Variants in ADCY2 observed in about 807,000 individuals in gnomAD.
ADCY2 encodes adenylate cyclase 2.
A neutral mutation model predicts 125.2 loss-of-function variants in ADCY2; 31 were observed. The ratio of observed to expected loss-of-function variants is 0.25; its 90% CI spans 0.19 to 0.33. The LOEUF is 0.33. Among genes scored for constraint, ADCY2 ranks in the 10% least tolerant of loss-of-function variants. ADCY2 has a pLI of 1.00. For missense variants in ADCY2, 904 were observed against 1,418.2 expected (o/e 0.64, Z 5.82); for synonymous variants, 512 against 548.4 (o/e 0.93, Z 0.93).
intron 2 of ADCY2, among the ~76,000 whole-genome samples, chr5:7,442,999 A>T (rs1223957945): frequency 2.6e-5 from 4 of 152,192 alleles, no homozygotes; most frequent in African/African-American, 9.7e-5. Flanking sequence ...TTGGCTAGTC[A>T]GAGCCCCATG....
intron 3 of ADCY2, among the ~76,000 whole-genome samples, chr5:7,556,787 G>T (rs920886275): frequency 6.6e-6 from 1 of 152,132 alleles, no homozygotes; most frequent in African/African-American, 2.4e-5. Flanking sequence ...AACTGCACGT[G>T]CAAGGGATCT....
chr5:7,459,737 T>A (rs906913054), intron 2 of ADCY2, among the ~76,000 whole-genome samples: 3 of 145,602 alleles, frequency 2.1e-5, no homozygotes, highest in African/African-American at 7.6e-5. Flanking sequence ...CCTTAATAAG[T>A]CAAATAAATG....
At chr5:7,567,711 G>C (rs1033080568) in intron 3 of ADCY2, among the ~76,000 whole-genome samples, 2 of 152,042 alleles carry the variant, frequency 1.3e-5, no homozygotes, top group Non-Finnish European at 2.9e-5. Flanking sequence ...TTTGGTCTTG[G>C]TTTTCTTGGG....
chr5:7,437,940 T>C (rs980891320), intron 2 of ADCY2, among the ~76,000 whole-genome samples: 19 of 152,336 alleles, frequency 1.2e-4, no homozygotes, highest in Non-Finnish European at 2.2e-4. Flanking sequence ...GTTGGCAAGA[T>C]TTTTGTGCTC....
At chr5:7,797,812 TG>T in intron 20 of ADCY2, 1 of 110,034 alleles carries the variant, frequency 9.1e-6, no homozygotes, top group Non-Finnish European at 2.0e-5. Context: ...GAGGGGAAGG[TG>T]GGGATCCCCC....
intron 2 of ADCY2, among the ~76,000 whole-genome samples, chr5:7,465,866 T>G (rs964296626): frequency 6.6e-6 from 1 of 152,196 alleles, no homozygotes; most frequent in Non-Finnish European, 1.5e-5. Context: ...GGTGTTACAT[T>G]TGCATGTTTT....
At chr5:7,589,506 G>GAAAAGAAAAGAAAAGA (rs68115969) in intron 3 of ADCY2, among the ~76,000 whole-genome samples, 19 of 93,898 alleles carry the variant, frequency 2.0e-4, no homozygotes, top group African/African-American at 6.4e-4. Context: ...AAGAAAGAAA[G>GAAAAGAAAAGAAAAGA]AAAGAAAAGA....
chr5:7,776,193 TAAA>T (rs11332766), intron 18 of ADCY2, among the ~76,000 whole-genome samples: 13 of 91,550 alleles, frequency 1.4e-4, no homozygotes, highest in African/African-American at 3.8e-4. Context: ...GTGAGATCCT[TAAA>T]AAAAAAAAAA....
At chr5:7,659,305 A>C in intron 4 of ADCY2, among the ~76,000 whole-genome samples, 1 of 152,264 alleles carries the variant, frequency 6.6e-6, no homozygotes, top group East Asian at 1.9e-4. Context: ...AATGCAGTGC[A>C]ATTTAAGATG....
At chr5:7,458,079 T>G (rs1741767550) in intron 2 of ADCY2, among the ~76,000 whole-genome samples, 1 of 152,178 alleles carries the variant, frequency 6.6e-6, no homozygotes, top group Non-Finnish European at 1.5e-5. Flanking sequence ...TTACATGTCC[T>G]CAGGGATACT....
intron 18 of ADCY2, among the ~76,000 whole-genome samples, chr5:7,779,896 T>G (rs968001147): frequency 6.6e-6 from 1 of 152,200 alleles, no homozygotes; most frequent in African/African-American, 2.4e-5. Flanking sequence ...ACTCATTTAT[T>G]CATTTTCACA....
chr5:7,771,389 T>C (rs965179532), intron 17 of ADCY2, among the ~76,000 whole-genome samples: 1 of 152,224 alleles, frequency 6.6e-6, no homozygotes, highest in African/African-American at 2.4e-5. Flanking sequence ...TACAACACTC[T>C]GTATTCCTTA....
chr5:7,780,826 CT>C (rs781236854), intron 18 of ADCY2, among the ~76,000 whole-genome samples: 4 of 150,732 alleles, frequency 2.7e-5, no homozygotes, highest in Non-Finnish European at 4.5e-5. Flanking sequence ...AGGTTAGAGG[CT>C]GGTTCACTAA....
chr5:7,401,765 G>A (rs767489876), intron 1 of ADCY2, among the ~76,000 whole-genome samples: 2 of 152,096 alleles, frequency 1.3e-5, no homozygotes, highest in Non-Finnish European at 2.9e-5. Context: ...ATTTAAAACC[G>A]AATATTCTAC....
At chr5:7,786,471 T>C (rs1744085983) in intron 19 of ADCY2, among the ~76,000 whole-genome samples, 1 of 152,256 alleles carries the variant, frequency 6.6e-6, no homozygotes, top group Non-Finnish European at 1.5e-5. Flanking sequence ...TTGTTATTTT[T>C]CCTGCTCCAT....
intron 2 of ADCY2, among the ~76,000 whole-genome samples, chr5:7,423,892 G>A (rs1183320423): frequency 6.6e-6 from 1 of 152,136 alleles, no homozygotes; most frequent in Non-Finnish European, 1.5e-5. Context: ...TGACTAAACT[G>A]TCCTCTGGCC....
At chr5:7,397,652 A>G (rs1198824490) in intron 1 of ADCY2, among the ~76,000 whole-genome samples, 1 of 152,068 alleles carries the variant, frequency 6.6e-6, no homozygotes, top group South Asian at 2.1e-4. Context: ...CCGGAGCCAG[A>G]TGGTGTTCAA....
At chr5:7,549,742 C>T (rs1421730882) in intron 3 of ADCY2, among the ~76,000 whole-genome samples, 6 of 152,126 alleles carry the variant, frequency 3.9e-5, no homozygotes, top group African/African-American at 1.4e-4. Context: ...TTCAAAAATT[C>T]TCATTGTGCA....
chr5:7,497,691 G>A (rs575829488), intron 2 of ADCY2, among the ~76,000 whole-genome samples: 93 of 152,074 alleles, frequency 6.1e-4, no homozygotes, highest in African/African-American at 2.1e-3. Context: ...CAGCAGAGCC[G>A]GATATGGAAA....
Sources: allele counts gnomAD v4.1 joint callset (sites outside exome capture counted in the v4.1 genomes callset), GRCh38; gene constraint gnomAD v4.1.1; transcripts MANE v1.5; gene names NCBI Gene and HGNC (gene_info 2026-07-23, HGNC 2026-07-21).